DNAJC3: variants seen among roughly 807,000 people sequenced by gnomAD.
DNAJC3 encodes dnaJ homolog subfamily C member 3.
In DNAJC3, 38 loss-of-function variants were observed where a neutral mutation model predicts 68.6. The observed-to-expected ratio is 0.55, with a 90% CI of 0.43 to 0.73. DNAJC3 has a LOEUF of 0.73. DNAJC3 is among the 30% of genes least tolerant of loss of function. The pLI, the probability that DNAJC3 is intolerant of heterozygous loss-of-function variation, is 0.00. For synonymous variants in DNAJC3, 203 were observed against 204.0 expected (o/e 1.00, Z 0.04); for missense variants, 526 against 591.9 (o/e 0.89, Z 1.16).
chr13:95,768,789 A>G (rs1241496477), intron 9 of DNAJC3, among the ~76,000 whole-genome samples: 1 of 152,144 alleles, frequency 6.6e-6, no homozygotes, highest in Non-Finnish European at 1.5e-5. Flanking sequence ...AGCCTGGTCA[A>G]CATGGTGAAA....
chr13:95,704,349 C>A (rs1370428285), intron 1 of DNAJC3, among the ~76,000 whole-genome samples: 1 of 152,178 alleles, frequency 6.6e-6, no homozygotes, highest in Non-Finnish European at 1.5e-5. Flanking sequence ...AAGATAGCAT[C>A]ATATAATGGT....
chr13:95,714,276 A>G (rs149979898), intron 2 of DNAJC3, among the ~76,000 whole-genome samples: 1,965 of 152,218 alleles, frequency 0.013, 50 homozygotes, highest in African/African-American at 0.045. Context: ...TGAAAATAGT[A>G]TATAATCACT....
chr13:95,682,841 T>C (rs1441783523), intron 1 of DNAJC3, among the ~76,000 whole-genome samples: 2 of 152,246 alleles, frequency 1.3e-5, no homozygotes, highest in Non-Finnish European at 2.9e-5. Flanking sequence ...ATAATTGTTA[T>C]GTATTTTAGA....
intron 9 of DNAJC3, among the ~76,000 whole-genome samples, chr13:95,780,512 C>T (rs149560676): frequency 6.6e-6 from 1 of 152,210 alleles, no homozygotes. Context: ...GGCTTTCTCA[C>T]TATTTGCTTC....
intron 4 of DNAJC3, among the ~76,000 whole-genome samples, chr13:95,731,098 G>T (rs1188140530): frequency 6.6e-6 from 1 of 151,912 alleles, no homozygotes; most frequent in Non-Finnish European, 1.5e-5. Context: ...TAGTTTAAGT[G>T]ATTTCATTAT....
At chr13:95,786,276 A>G (rs888825676) in intron 10 of DNAJC3, among the ~76,000 whole-genome samples, 13 of 152,180 alleles carry the variant, frequency 8.5e-5, no homozygotes, top group Admixed American at 8.5e-4. Flanking sequence ...TAATGCAACA[A>G]CAGAATTAGT....
intron 1 of DNAJC3, among the ~76,000 whole-genome samples, chr13:95,704,744 A>T (rs1223929902): frequency 1.3e-5 from 2 of 151,860 alleles, no homozygotes; most frequent in African/African-American, 4.8e-5. Context: ...ATGGTGCCAT[A>T]CTGGGAATTC....
intron 3 of DNAJC3, among the ~76,000 whole-genome samples, chr13:95,724,593 A>G (rs568983936): frequency 1.2e-4 from 19 of 152,358 alleles, no homozygotes; most frequent in Admixed American, 2.0e-4. Flanking sequence ...CAAGTTGTGC[A>G]GTGGTCACCA....
chr13:95,689,280 C>T (rs559054318), intron 1 of DNAJC3, among the ~76,000 whole-genome samples: 1 of 148,760 alleles, frequency 6.7e-6, no homozygotes, highest in African/African-American at 2.5e-5. Context: ...TTTTATTGCT[C>T]ATTATTGGTC....
At chr13:95,737,917 G>T (rs61975188) in intron 4 of DNAJC3, among the ~76,000 whole-genome samples, 3 of 97,210 alleles carry the variant, frequency 3.1e-5, no homozygotes, top group Admixed American at 2.2e-4. Flanking sequence ...GTGATGTTAG[G>T]GTGTCAATTT....
chr13:95,686,226 G>A (rs1201050609), intron 1 of DNAJC3, among the ~76,000 whole-genome samples: 1 of 151,936 alleles, frequency 6.6e-6, no homozygotes, highest in African/African-American at 2.4e-5. Flanking sequence ...CTCCCAAAGT[G>A]CTGGGATTAC....
rs905785880 is a variant in DNAJC3, at chr13:95,794,702, C to T, written c.*3672C>T. On this transcript the variant is annotated 3_prime_UTR_variant, in exon 12 of 12. Coordinates refer to ENST00000602402, the MANE Select transcript of DNAJC3 (RefSeq NM_006260.5). ...ACTGCGTGGCTTTGTGTATAGTAAC[C>T]GGTTTTGTTGCACTTGTCTGTGGCT... The T allele has an allele frequency of 2.0e-5, 3 of 152,116 alleles. No homozygotes were observed. Among genetic ancestry groups the T allele is most frequent in the Non-Finnish European group, 2.9e-5 (2 of 68,012 alleles). The allele number at this position is 152,116 out of a possible 1,614,324, so 9.4% of individuals were successfully genotyped here.
At chr13:95,765,940 G>A (rs1367423498) in intron 9 of DNAJC3, among the ~76,000 whole-genome samples, 1 of 152,046 alleles carries the variant, frequency 6.6e-6, no homozygotes, top group Admixed American at 6.6e-5. Context: ...AGAGAGAATA[G>A]TTGCCAGCTG....
intron 2 of DNAJC3, among the ~76,000 whole-genome samples, chr13:95,720,050 A>G (rs1367163771): frequency 5.9e-5 from 9 of 152,106 alleles, no homozygotes; most frequent in Non-Finnish European, 1.2e-4. Context: ...GGTTGAATCT[A>G]CAGATGTGGA....
chr13:95,784,284 C>T (rs1433579545), intron 9 of DNAJC3, among the ~76,000 whole-genome samples: 1 of 152,112 alleles, frequency 6.6e-6, no homozygotes, highest in Admixed American at 6.5e-5. Flanking sequence ...ATTTGGTGAT[C>T]TGGTAAGAAG....
At chr13:95,765,676 A>G (rs985054350) in intron 9 of DNAJC3, among the ~76,000 whole-genome samples, 3 of 151,100 alleles carry the variant, frequency 2.0e-5, no homozygotes, top group Non-Finnish European at 2.9e-5. Context: ...ATTGCAACCA[A>G]TTCTTCTGCC....
intron 4 of DNAJC3, among the ~76,000 whole-genome samples, chr13:95,755,800 C>T (rs993184329): frequency 6.2e-5 from 9 of 146,094 alleles, no homozygotes; most frequent in African/African-American, 2.3e-4. Flanking sequence ...AAAAAAAAAT[C>T]CCCCAAAACC....
At position 95,763,914 on chromosome 13, in the gene DNAJC3, C is replaced by G; in HGVS notation, c.1036C>G (p.Arg346Gly). Residue 346 changes from arginine to glycine, a missense_variant, in exon 9 of 12, where the codon CGA (arginine) becomes GGA (glycine). Physicochemically the swap from Arg to Gly is moderately radical, Grantham distance 125 (BLOSUM62 -2). Coordinates refer to ENST00000602402, the MANE Select transcript of DNAJC3 (RefSeq NM_006260.5). ...TGACAATGTGAATGCCCTGAAAGAT[C>G]GAGCAGAGGCCTATTTGATAGAGGA... The part of the protein sequence containing the change: ...EPDNVNALKD[R>G]AEAYLIEEMY... 6.2e-7 allele frequency: 1 copy of G among 1,613,986 alleles called. No homozygotes were observed. Among genetic ancestry groups the G allele is most frequent in the Non-Finnish European group, 8.5e-7 (1 of 1,179,936 alleles).
chr13:95,790,233 A>G (rs933883721), intron 11 of DNAJC3, among the ~76,000 whole-genome samples: 4 of 152,156 alleles, frequency 2.6e-5, no homozygotes, highest in African/African-American at 7.2e-5. Flanking sequence ...GGTTTTTCTA[A>G]TGACTCTGAG....
Sources: allele counts gnomAD v4.1 joint callset (sites outside exome capture counted in the v4.1 genomes callset), GRCh38; gene constraint gnomAD v4.1.1; transcripts MANE v1.5; gene names NCBI Gene and HGNC (gene_info 2026-07-23, HGNC 2026-07-21).